SVIL: variants seen among roughly 807,000 people sequenced by gnomAD.
SVIL encodes supervillin.
Under a neutral mutation model 240.4 loss-of-function variants are expected in SVIL, and 101 were observed. That is an observed-to-expected ratio of 0.42 (90% CI 0.36 to 0.50). The LOEUF (loss-of-function observed/expected upper bound fraction) is 0.50. Ranked by LOEUF, SVIL falls within the 20% of genes least tolerant of loss-of-function variation. SVIL has a pLI of 0.01. For synonymous variants in SVIL, 999 were observed against 1,100.0 expected, an observed-to-expected ratio of 0.91 and a Z score of 1.82; for missense variants, 2,512 against 2,818.7, an observed-to-expected ratio of 0.89 and a Z score of 2.46.
Position 29,465,598 on chromosome 10 carries a change from G to T in SVIL, c.6130C>A (p.Pro2044Thr). Reference protein sequence around the residue: ...LQEDLYSAPQPALFLVDNHHE... With the variant: ...LQEDLYSAPQTALFLVDNHHE... ...AGCTGCCCCCTGCAGGCCTTACCTG[G>T]CTGGGGCGCGCTGTACAGATCTTCC... is the stretch of plus-strand genomic sequence containing the variant. The change falls in exon 34 of 38, where the codon CCA (proline) becomes ACA (threonine). Residue 2044 changes from proline (P) to threonine (T), a missense_variant. Around this residue, in one of 3 missense-constraint regions of SVIL, gnomAD observed 797 missense variants for 925.3 expected, o/e 0.86. Coordinates refer to ENST00000355867, the MANE Select transcript of SVIL (RefSeq NM_021738.3). The T allele has an allele frequency of 6.2e-7, 1 of 1,604,432 alleles. No homozygotes were observed. The highest frequency in any genetic ancestry group is 1.1e-5 in the South Asian group (1 of 89,678).
intron 2 of SVIL, among the ~76,000 whole-genome samples, chr10:29,663,824 C>T (rs1039822595): frequency 6.6e-6 from 1 of 152,214 alleles, no homozygotes; most frequent in Admixed American, 6.5e-5. Flanking sequence ...GCAGAGCAGC[C>T]GCTGGTTCTC....
At chr10:29,464,460 A>G (rs1352166297) in intron 34 of SVIL, among the ~76,000 whole-genome samples, 1 of 152,076 alleles carries the variant, frequency 6.6e-6, no homozygotes, top group Admixed American at 6.5e-5. Flanking sequence ...ATAAAAGGAA[A>G]TAAAAATCAA....
intron 32 of SVIL, among the ~76,000 whole-genome samples, chr10:29,468,719 C>T (rs1357865627): frequency 6.6e-6 from 1 of 151,876 alleles, no homozygotes; most frequent in Non-Finnish European, 1.5e-5. Flanking sequence ...TTCACCGTCT[C>T]TTCTACTTTC....
chr10:29,458,721 G>C (rs1943863498), intron 36 of SVIL, 132 bp from the exon 37 acceptor site: 2 of 931,968 alleles, frequency 2.1e-6, no homozygotes, highest in Non-Finnish European at 1.5e-6. Flanking sequence ...TATCACTGAG[G>C]AGGAAATGGC....
At chr10:29,555,271 T>C (rs1290444781) in intron 3 of SVIL, among the ~76,000 whole-genome samples, 163 bp from the exon 4 acceptor site, 1 of 151,924 alleles carries the variant, frequency 6.6e-6, no homozygotes, top group East Asian at 1.9e-4. Flanking sequence ...GGAAACTGTT[T>C]CCTAGTAGGG....
intron 13 of SVIL, 43 bp downstream of exon 13, chr10:29,526,918 A>T: frequency 1.4e-6 from 2 of 1,455,474 alleles, no homozygotes; most frequent in Non-Finnish European, 1.8e-6. Flanking sequence ...GCTGTTCGGC[A>T]CCTTTGCACC....
At chr10:29,729,204 TA>T (rs796806765) in intron 1 of SVIL, among the ~76,000 whole-genome samples, 40 of 152,180 alleles carry the variant, frequency 2.6e-4, no homozygotes, top group African/African-American at 9.4e-4. Flanking sequence ...GGGGACAACA[TA>T]GTCACCACTA....
intron 1 of SVIL, among the ~76,000 whole-genome samples, chr10:29,721,462 CA>C (rs890597293): frequency 6.4e-4 from 84 of 131,070 alleles, no homozygotes; most frequent in African/African-American, 2.2e-3. Flanking sequence ...ATACTGCCTA[CA>C]AAAAAAAAGC....
chr10:29,506,400 C>T (rs1030781968), intron 17 of SVIL, among the ~76,000 whole-genome samples: 1 of 151,978 alleles, frequency 6.6e-6, no homozygotes, highest in Non-Finnish European at 1.5e-5. Context: ...AGGGAAAGGC[C>T]GCCCCAGGGA....
At chr10:29,696,393 G>A (rs1460719805) in intron 1 of SVIL, among the ~76,000 whole-genome samples, 2 of 152,020 alleles carry the variant, frequency 1.3e-5, no homozygotes, top group African/African-American at 2.4e-5. Context: ...GAAGTGAGGA[G>A]CGTCTCTGCC....
chr10:29,507,296 TGGCTGCATCTCCTG>T (rs1235941467), intron 17 of SVIL, among the ~76,000 whole-genome samples: 1 of 152,076 alleles, frequency 6.6e-6, no homozygotes. Flanking sequence ...GCGAAGAACA[TGGCTGCATCTCCTG>T]GGCTCCTGAC....
chr10:29,524,561 T>A lies in SVIL; in HGVS notation c.2497A>T (p.Ile833Phe), dbSNP rs759321938. The A allele has an allele frequency of 1.9e-6, 3 of 1,614,002 alleles. No homozygotes were observed. The highest frequency in any genetic ancestry group is 1.7e-5 in the Admixed American group (1 of 59,998). The change falls in exon 14 of 38, where the codon ATT (isoleucine) becomes TTT (phenylalanine). Residue 833 changes from isoleucine (I) to phenylalanine (F), a missense_variant. This residue lies in a region of SVIL where 1,443 missense variants were observed against 1,486.6 expected (regional missense o/e 0.97). Coordinates refer to ENST00000355867, the MANE Select transcript of SVIL (RefSeq NM_021738.3). Reference protein sequence around the residue: ...NKLSQPVSKAISTRNRIDTRQ... With the variant: ...NKLSQPVSKAFSTRNRIDTRQ... ...GTGTCTATTCTGTTCCGGGTAGAAA[T>A]CGCTTTTGAGACTGGCTGGGACAAT...
At chr10:29,656,706 C>T (rs1364214136) in intron 3 of SVIL, among the ~76,000 whole-genome samples, 4 of 152,102 alleles carry the variant, frequency 2.6e-5, no homozygotes, top group African/African-American at 4.8e-5. Context: ...ACATTTCTTC[C>T]CTGCTATATA....
At chr10:29,581,579 A>C (rs1955948521) in intron 1 of SVIL, among the ~76,000 whole-genome samples, 1 of 152,270 alleles carries the variant, frequency 6.6e-6, no homozygotes, top group Admixed American at 6.5e-5. Context: ...AAACCATGCC[A>C]GCCTTTCTAA....
chr10:29,564,439 TG>T (rs1954790218), intron 2 of SVIL, among the ~76,000 whole-genome samples: 1 of 151,932 alleles, frequency 6.6e-6, no homozygotes, highest in Non-Finnish European at 1.5e-5. Context: ...AACAAACCTG[TG>T]GAAAGAGGGA....
At position 29,523,701 on chromosome 10, in the gene SVIL, T is replaced by C. The variant is rs1950708318; in HGVS notation, c.2913A>G (p.Glu971=). ...TCAGGATGGGGTAGGATGCTTCTGC[T>C]TCCTCAAAGGACCCATACTTCTCCA... ...SGMEKYGSFE[E]AEASYPILNR... Residue 971 remains glutamate, a synonymous_variant, in exon 15 of 38, where the codon GAA becomes GAG. Coordinates refer to ENST00000355867, the MANE Select transcript of SVIL (RefSeq NM_021738.3). 6.2e-7 allele frequency: 1 copy of C among 1,614,196 alleles called. No homozygotes were observed. The highest frequency in any genetic ancestry group is 1.7e-5 in the Admixed American group (1 of 60,030).
intron 1 of SVIL, among the ~76,000 whole-genome samples, chr10:29,730,781 C>A (rs1964574655): frequency 1.3e-5 from 2 of 152,108 alleles, no homozygotes; most frequent in Non-Finnish European, 2.9e-5. Context: ...TATACATGCC[C>A]AAGCAATTAT....
chr10:29,535,436 A>C (rs912945036), intron 7 of SVIL, among the ~76,000 whole-genome samples: 2 of 152,268 alleles, frequency 1.3e-5, no homozygotes, highest in East Asian at 3.9e-4. Flanking sequence ...TCCATGACTT[A>C]CTCATTCTGA....
intron 1 of SVIL, among the ~76,000 whole-genome samples, chr10:29,632,847 A>G (rs1324901128): frequency 6.6e-6 from 1 of 150,590 alleles, no homozygotes; most frequent in East Asian, 1.9e-4. Context: ...TTTAACACAC[A>G]CACACACACA....
Sources: gnomAD v4.1 joint callset for allele counts (sites outside exome capture counted in the v4.1 genomes callset) on GRCh38, gnomAD v4.1.1 for gene constraint, gnomAD v4.1.1 regional missense constraint, MANE v1.5 for transcripts, NCBI Gene and HGNC (gene_info 2026-07-23, HGNC 2026-07-21) for gene names.